Variants in MAPK6 observed in about 807,000 individuals in gnomAD.
MAPK6 encodes mitogen-activated protein kinase 6, also known as ERK-3.
Under a neutral mutation model 59.3 loss-of-function variants are expected in MAPK6, and 19 were observed. That is an observed-to-expected ratio of 0.32 (90% confidence interval 0.22 to 0.47). The LOEUF is 0.47. Among genes scored for constraint, MAPK6 ranks in the 20% least tolerant of loss-of-function variants. The probability of loss-of-function intolerance (pLI) is 1.00; values close to 1 mark genes in which losing one functional copy is unlikely to be tolerated. For missense variants in MAPK6, 724 were observed against 847.9 expected (o/e 0.85, Z 1.81); for synonymous variants, 316 against 290.3 (o/e 1.09, Z -0.90).
chr15:52,016,057 C>T (rs1158149578), upstream of MAPK6, among the ~76,000 whole-genome samples: 18 of 47,714 alleles, frequency 3.8e-4, no homozygotes, highest in Admixed American at 2.9e-3. Flanking sequence ...CTCCATCGCG[C>T]GCGCGCGCGC....
intron 1 of MAPK6, among the ~76,000 whole-genome samples, chr15:52,038,472 T>A (rs1311931411): frequency 6.6e-6 from 1 of 152,222 alleles, no homozygotes; most frequent in Non-Finnish European, 1.5e-5. Flanking sequence ...TACTTTTCTC[T>A]GCTACATTGC....
At chr15:52,015,247 C>G (rs1046713044), upstream of MAPK6, among the ~76,000 whole-genome samples, 2 of 150,860 alleles carry the variant, frequency 1.3e-5, no homozygotes, top group South Asian at 4.2e-4. Context: ...GTGATCTACC[C>G]GCCTCAGCTT....
chr15:52,014,330 T>G (rs1192826157), upstream of MAPK6, among the ~76,000 whole-genome samples: 1 of 152,210 alleles, frequency 6.6e-6, no homozygotes, highest in Non-Finnish European at 1.5e-5. Context: ...TAAATATAAA[T>G]ACATTTTACA....
intron 2 of MAPK6, among the ~76,000 whole-genome samples, chr15:51,987,369 G>A (rs897314177): frequency 6.6e-6 from 1 of 152,162 alleles, no homozygotes; most frequent in Non-Finnish European, 1.5e-5. Context: ...ACTTTGGGAG[G>A]CCAAGGCGGC....
chr15:51,987,658 G>C (rs753165656), intron 2 of MAPK6, among the ~76,000 whole-genome samples: 15 of 151,410 alleles, frequency 9.9e-5, no homozygotes, highest in Non-Finnish European at 1.9e-4. Context: ...AACCAACCCA[G>C]TACCCTCCAG....
At chr15:52,031,914 T>C (rs563157987) in intron 1 of MAPK6, among the ~76,000 whole-genome samples, 1 of 152,166 alleles carries the variant, frequency 6.6e-6, no homozygotes, top group South Asian at 2.1e-4. Flanking sequence ...TAATTTTTTT[T>C]TTTTGAGGCG....
chr15:52,051,261 G>A (rs1489949381), intron 3 of MAPK6, among the ~76,000 whole-genome samples: 3 of 152,016 alleles, frequency 2.0e-5, no homozygotes, highest in East Asian at 1.9e-4. Context: ...GTTTTACCAT[G>A]TTAGCCAGGA....
chr15:51,981,492 A>G (rs927555631), intron 1 of MAPK6, among the ~76,000 whole-genome samples: 7 of 150,712 alleles, frequency 4.6e-5, no homozygotes, highest in Non-Finnish European at 4.4e-5. Context: ...AAGAAAAAGA[A>G]AAAAAAGAAA....
At chr15:51,997,160 T>G (rs549530523) in intron 2 of MAPK6, among the ~76,000 whole-genome samples, 1 of 151,990 alleles carries the variant, frequency 6.6e-6, no homozygotes, top group East Asian at 1.9e-4. Context: ...TCTTGTATTT[T>G]TAGTAGAGAC....
chr15:52,047,976 G>A lies in MAPK6; in HGVS notation c.555+961G>A, dbSNP rs146613659. On this transcript the variant is annotated intron_variant, in intron 2 of 5. Coordinates refer to ENST00000261845, the MANE Select transcript of MAPK6 (RefSeq NM_002748.4). ...TTTAATATTTTTCAAGCTGAACCTT[G>A]GTCTTTTAGTTTGGAAATGAAATCT... 4.1e-3 allele frequency among the ~76,000 whole-genome samples: 628 copies of A among 152,042 alleles called. 5 individuals carry two copies. The highest frequency in any genetic ancestry group is 0.014 in the African/African-American group (588 of 41,458).
At position 52,050,002 on chromosome 15, in the gene MAPK6, T is replaced by A. The variant is rs751853146; in HGVS notation, c.565T>A (p.Ser189Thr). The part of the protein sequence containing the change: ...DPHYSHKGHL[S>T]EGLVTKWYRS... Reference sequence around the variant, plus strand: ...TTTGTTTCTTTTATAGGGTCATCTTTCTGAAGGATTGGTTACTAAATGGTA... The same window carrying A: ...TTTGTTTCTTTTATAGGGTCATCTTACTGAAGGATTGGTTACTAAATGGTA... The change falls in exon 3 of 6, where the codon TCT (serine) becomes ACT (threonine). Residue 189 changes from serine to threonine, a missense_variant. Physicochemically the swap from Ser to Thr is moderately conservative, Grantham distance 58 (BLOSUM62 1). Around this residue, in one of 4 missense-constraint regions of MAPK6, gnomAD observed 105 missense variants for 191.9 expected, o/e 0.55. Transcript: ENST00000261845. 5 of 1,611,194 alleles carry A rather than the reference T, an allele frequency of 3.1e-6. No individual in the cohort carries two copies. The East Asian group carries it at 1.1e-4, about 36-fold the overall frequency.
chr15:51,983,925 G>T (rs1182714386), intron 2 of MAPK6, among the ~76,000 whole-genome samples: 1 of 151,838 alleles, frequency 6.6e-6, no homozygotes, highest in Non-Finnish European at 1.5e-5. Flanking sequence ...GTTCAAGGCT[G>T]CAGTGAACTA....
At chr15:52,019,062 C>G (rs1033253399), upstream of MAPK6, 1 of 152,266 alleles carries the variant, frequency 6.6e-6, no homozygotes, top group Non-Finnish European at 1.5e-5. Context: ...CCGGACGAGC[C>G]GCGTGCCTTT....
chr15:52,026,847 C>G (rs902497677), intron 1 of MAPK6, among the ~76,000 whole-genome samples: 7 of 144,186 alleles, frequency 4.9e-5, no homozygotes, highest in African/African-American at 1.5e-4. Flanking sequence ...GTCAGGAGTT[C>G]TAGACTAGCC....
intron 2 of MAPK6, chr15:52,004,113 G>A (rs149000055): frequency 5.9e-5 from 9 of 152,284 alleles, no homozygotes; most frequent in Admixed American, 2.0e-4. Context: ...TTTACTAAGC[G>A]TCTCATACTG....
At chr15:52,042,672 T>C (rs1435664975) in intron 1 of MAPK6, 1 of 152,200 alleles carries the variant, frequency 6.6e-6, no homozygotes. Flanking sequence ...AAAGCATTAT[T>C]TGTGCTTGAC....
intron 3 of MAPK6, among the ~76,000 whole-genome samples, chr15:52,053,752 C>G (rs914366357): frequency 6.6e-6 from 1 of 151,720 alleles, no homozygotes; most frequent in Non-Finnish European, 1.5e-5. Context: ...CAATTCTCCT[C>G]CCTCAGCCTC....
chr15:52,011,153 A>G (rs927254878), intron 3 of MAPK6: 3 of 152,212 alleles, frequency 2.0e-5, no homozygotes, highest in Admixed American at 6.5e-5. Context: ...AGGCCAAACA[A>G]GACAAGATTC....
upstream of MAPK6, among the ~76,000 whole-genome samples, chr15:52,015,729 G>A (rs1312553305): frequency 6.7e-6 from 1 of 149,874 alleles, no homozygotes; most frequent in Non-Finnish European, 1.5e-5. Flanking sequence ...TGGGATTACA[G>A]GCGTGAGTCC....
Sources: gnomAD v4.1 joint callset for allele counts (sites outside exome capture counted in the v4.1 genomes callset) on GRCh38, gnomAD v4.1.1 for gene constraint, gnomAD v4.1.1 regional missense constraint, MANE v1.5 for transcripts, NCBI Gene and HGNC (gene_info 2026-07-23, HGNC 2026-07-21) for gene names.